The following EDIL3 variants were observed in gnomAD, a reference collection of about 807,000 sequenced individuals.
The protein encoded by EDIL3 is EGF like and discoidin domains 3.
Under a neutral mutation model 67.4 loss-of-function variants are expected in EDIL3, and 37 were observed. The ratio of observed to expected loss-of-function variants is 0.55; its 90% CI spans 0.42 to 0.72. The LOEUF (loss-of-function observed/expected upper bound fraction) is 0.72. Among genes scored for constraint, EDIL3 ranks in the 30% least tolerant of loss-of-function variants. The pLI, the probability that EDIL3 is intolerant of heterozygous loss-of-function variation, is 0.00. For synonymous variants in EDIL3, 195 were observed against 196.3 expected (o/e 0.99, Z 0.05); for missense variants, 527 against 586.3 (o/e 0.90, Z 1.04).
intron 9 of EDIL3, among the ~76,000 whole-genome samples, chr5:83,967,049 A>G (rs1461948616): frequency 6.6e-6 from 1 of 152,104 alleles, no homozygotes; most frequent in Non-Finnish European, 1.5e-5. Context: ...CGTTCTGGGT[A>G]TGGTGGCTCA....
chr5:84,367,092 T>C (rs1320375877), intron 1 of EDIL3, among the ~76,000 whole-genome samples: 1 of 152,226 alleles, frequency 6.6e-6, no homozygotes, highest in Non-Finnish European at 1.5e-5. Context: ...TATCATAGCA[T>C]TTAGTGTATA....
rs991146136 is a variant in EDIL3, at chr5:83,941,526, A to C, written c.*1893T>G. ...TATCTGATGGGACAGTAAACCTTGA[A>C]AGAAACTGGCTAAAGAGTAAGTGTG... On this transcript the variant is annotated 3_prime_UTR_variant, in exon 11 of 11. Transcript: ENST00000296591. 6.6e-6 allele frequency: 1 copy of C among 152,028 alleles called. No individual in the cohort carries two copies. The highest frequency in any genetic ancestry group is 2.4e-5 in the African/African-American group (1 of 41,448). The allele number at this position is 152,028 out of a possible 1,614,324, so 9.4% of individuals were successfully genotyped here.
At chr5:84,173,638 C>T (rs1272021927) in intron 4 of EDIL3, among the ~76,000 whole-genome samples, 1 of 152,196 alleles carries the variant, frequency 6.6e-6, no homozygotes, top group Non-Finnish European at 1.5e-5. Context: ...CTATTATACT[C>T]TCCAGACTTG....
chr5:84,367,510 G>A (rs1024430991), intron 1 of EDIL3, among the ~76,000 whole-genome samples: 1 of 152,216 alleles, frequency 6.6e-6, no homozygotes, highest in East Asian at 1.9e-4. Flanking sequence ...AGCTAGGAGC[G>A]GTGGCTCATG....
intron 9 of EDIL3, among the ~76,000 whole-genome samples, chr5:84,024,948 T>G (rs774999032): frequency 7.2e-5 from 11 of 151,956 alleles, no homozygotes; most frequent in Non-Finnish European, 1.6e-4. Context: ...CAAAATGACA[T>G]TTACCTAAAG....
chr5:83,957,623 C>A (rs1404853397), intron 10 of EDIL3, among the ~76,000 whole-genome samples: 1 of 151,594 alleles, frequency 6.6e-6, no homozygotes, highest in Non-Finnish European at 1.5e-5. Context: ...ATTTTTCACA[C>A]CCATGTTGAG....
intron 2 of EDIL3, among the ~76,000 whole-genome samples, chr5:84,231,542 G>A (rs1744578008): frequency 6.6e-6 from 1 of 152,072 alleles, no homozygotes; most frequent in Non-Finnish European, 1.5e-5. Flanking sequence ...TGTAGCCAGG[G>A]AGTGGTCTCC....
At chr5:84,023,630 C>T (rs1034005713) in intron 9 of EDIL3, among the ~76,000 whole-genome samples, 2 of 151,968 alleles carry the variant, frequency 1.3e-5, no homozygotes, top group African/African-American at 2.4e-5. Flanking sequence ...CCTGTAAGAG[C>T]ATGCTTAGTG....
chr5:84,097,608 ATC>A (rs1302968396), intron 6 of EDIL3, among the ~76,000 whole-genome samples: 1 of 152,134 alleles, frequency 6.6e-6, no homozygotes, highest in African/African-American at 2.4e-5. Flanking sequence ...AGTAGGTGTT[ATC>A]TTTTCTCTAC....
intron 9 of EDIL3, among the ~76,000 whole-genome samples, chr5:84,043,832 T>C (rs1746174493): frequency 6.6e-6 from 1 of 152,178 alleles, no homozygotes; most frequent in South Asian, 2.1e-4. Flanking sequence ...AGAAATACAA[T>C]TTAATTATTA....
intron 2 of EDIL3, among the ~76,000 whole-genome samples, chr5:84,236,279 C>A (rs778344214): frequency 6.6e-6 from 1 of 152,056 alleles, no homozygotes; most frequent in African/African-American, 2.4e-5. Flanking sequence ...AAATAGCCTA[C>A]ATTCATATCC....
At chr5:84,057,180 A>T (rs1746463094) in intron 9 of EDIL3, among the ~76,000 whole-genome samples, 4 of 152,200 alleles carry the variant, frequency 2.6e-5, no homozygotes, top group African/African-American at 7.2e-5. Context: ...AAAGTCTATT[A>T]TGAACACAAT....
intron 9 of EDIL3, among the ~76,000 whole-genome samples, chr5:83,982,435 T>C (rs1744986095): frequency 6.6e-6 from 1 of 152,046 alleles, no homozygotes; most frequent in South Asian, 2.1e-4. Context: ...CCATGGCAAA[T>C]CTCTCCAATT....
intron 9 of EDIL3, among the ~76,000 whole-genome samples, chr5:84,034,949 A>G (rs1032048221): frequency 2.0e-5 from 3 of 152,076 alleles, no homozygotes; most frequent in Non-Finnish European, 2.9e-5. Context: ...TAGTATTTGG[A>G]CTTTTAGAAG....
At chr5:84,382,619 C>T (rs564151530) in intron 1 of EDIL3, among the ~76,000 whole-genome samples, 30 of 152,274 alleles carry the variant, frequency 2.0e-4, no homozygotes, top group African/African-American at 9.6e-5. Context: ...GTCCTTCCCC[C>T]TTCCCTTCCT....
chr5:84,133,790 AC>A (rs1387970030), intron 5 of EDIL3, among the ~76,000 whole-genome samples: 9 of 152,102 alleles, frequency 5.9e-5, no homozygotes, highest in African/African-American at 2.2e-4. Context: ...ACTTAACCAA[AC>A]CTTGTAATAA....
At chr5:84,020,726 G>C (rs886151272) in intron 9 of EDIL3, among the ~76,000 whole-genome samples, 6 of 151,962 alleles carry the variant, frequency 3.9e-5, no homozygotes, top group Non-Finnish European at 1.5e-5. Context: ...TAATGGAAAA[G>C]TTATAAATAT....
At chr5:84,081,547 A>G (rs947388775) in intron 6 of EDIL3, among the ~76,000 whole-genome samples, 1 of 152,166 alleles carries the variant, frequency 6.6e-6, no homozygotes, top group Non-Finnish European at 1.5e-5. Context: ...TGTTACCAAA[A>G]AGAAAAAAAA....
chr5:84,226,564 A>C (rs1341256711), intron 3 of EDIL3, among the ~76,000 whole-genome samples: 2 of 151,802 alleles, frequency 1.3e-5, no homozygotes, highest in Non-Finnish European at 3.0e-5. Flanking sequence ...CAAATGTTTT[A>C]ATTTACTCTT....
Sources: gnomAD v4.1 joint callset for allele counts (sites outside exome capture counted in the v4.1 genomes callset) on GRCh38, gnomAD v4.1.1 for gene constraint, MANE v1.5 for transcripts, NCBI Gene and HGNC (gene_info 2026-07-23, HGNC 2026-07-21) for gene names.